SS18L1: variants seen among roughly 807,000 people sequenced by gnomAD.
The protein encoded by SS18L1 is SS18L1 subunit of BAF chromatin remodeling complex.
A neutral mutation model predicts 70.3 loss-of-function variants in SS18L1; 32 were observed. The observed-to-expected ratio is 0.46, with a 90% CI of 0.34 to 0.61. The LOEUF (loss-of-function observed/expected upper bound fraction) is 0.61. Among genes scored for constraint, SS18L1 ranks in the 20% least tolerant of loss-of-function variants. The probability of loss-of-function intolerance (pLI) is 0.01; values close to 1 mark genes in which losing one functional copy is unlikely to be tolerated. For missense variants in SS18L1, 430 were observed against 542.1 expected (o/e 0.79, Z 2.05); for synonymous variants, 237 against 229.7 (o/e 1.03, Z -0.29).
chr20:62,143,802 T>C lies in SS18L1; in HGVS notation c.-19T>C. The C allele has an allele frequency of 7.5e-7, 1 of 1,333,808 alleles. No homozygotes were observed. The allele number at this position is 1,333,808 out of a possible 1,614,324, so 82.6% of individuals were successfully genotyped here. On this transcript the variant is annotated 5_prime_UTR_variant, in exon 1 of 11. It removes the in-frame stop codon of an upstream open reading frame in the 5' UTR. Transcript: ENST00000331758. The stretch of plus-strand genomic sequence containing the variant: ...AGTATCCACCTCGATGACCACGGGC[T>C]GAGCCCCGCGCCGCCACCATGTCCG...
intron 1 of SS18L1, among the ~76,000 whole-genome samples, chr20:62,151,614 G>C (rs1454004799): frequency 2.6e-5 from 4 of 152,204 alleles, no homozygotes; most frequent in Non-Finnish European, 5.9e-5. Context: ...CTCCGAACCA[G>C]CCCAGAATCA....
At position 62,160,769 on chromosome 20, in the gene SS18L1, C is replaced by T. The variant is rs555456515; in HGVS notation, c.232-667C>T. ...TTGCGAGTAAAAATGTTAAACCCAC[C>T]TCCATTGACCTGTCAAATTGCACTT... is the stretch of plus-strand genomic sequence containing the variant. On this transcript the variant is annotated intron_variant, in intron 3 of 10. Coordinates refer to ENST00000331758, the MANE Select transcript of SS18L1 (RefSeq NM_198935.3). Among the ~76,000 whole-genome samples, 9 of 152,226 alleles carry T rather than the reference C, an allele frequency of 5.9e-5. No individual in the cohort carries two copies. In the South Asian group the frequency reaches 1.5e-3, roughly 25 times the overall value.
At chr20:62,169,394 G>A (rs528139960) in intron 8 of SS18L1, among the ~76,000 whole-genome samples, 64 of 152,322 alleles carry the variant, frequency 4.2e-4, no homozygotes, top group African/African-American at 9.6e-5. Flanking sequence ...GGGTGGAAGC[G>A]GCCACCTTCC....
At chr20:62,154,636 C>T (rs999715866) in intron 1 of SS18L1, among the ~76,000 whole-genome samples, 3 of 152,198 alleles carry the variant, frequency 2.0e-5, no homozygotes, top group South Asian at 2.1e-4. Flanking sequence ...TAGGAGGCTC[C>T]GTGCTGTCGG....
Position 62,174,893 on chromosome 20 carries a change from T to C in SS18L1, c.1164+249T>C. 1 of 985,470 alleles carries C rather than the reference T, an allele frequency of 1.0e-6. No homozygotes were observed. Among genetic ancestry groups the C allele is most frequent in the Non-Finnish European group, 1.2e-6 (1 of 829,942 alleles). 61.0% of individuals were successfully genotyped at this position (985,470 alleles called of 1,614,324 possible). A position where few individuals can be genotyped will look rare whatever the true frequency, so the allele number is the denominator to read the frequency against. On this transcript the variant is annotated intron_variant, in intron 10 of 10. Transcript: ENST00000331758. This position sits in a 1 kb window ranked among gnomAD's most constrained non-coding sequence, Gnocchi z 4.1. ...TAGATCTGCACGCCTGGTTCTCACA[T>C]TCATTCACTCTGCCAGTGTTTGTCA...
At chr20:62,166,925 C>CA (rs1199324129) in intron 8 of SS18L1, among the ~76,000 whole-genome samples, 195 of 143,226 alleles carry the variant, frequency 1.4e-3, no homozygotes, top group African/African-American at 5.1e-3. Context: ...AACTTTGTCT[C>CA]AAAAAAAATA....
intron 10 of SS18L1, chr20:62,175,211 G>A: frequency 1.0e-6 from 1 of 979,254 alleles, no homozygotes; most frequent in Non-Finnish European, 1.2e-6. Context: ...GGAACAGTGA[G>A]CAGGGCTTTG....
rs147321701 is a variant in SS18L1 at position 62,161,549 on chromosome 20, C to T, written c.345C>T (p.Pro115=). ...ACGCCATCAGCACGGGCCTGCCACC[C>T]TCCTCCCTCCTGCAGGGCCAGATTG... ...LSDAISTGLP[P]SSLLQGQIGN... is the part of the protein sequence containing the mutation. Residue 115 remains proline (P), a synonymous_variant, in exon 4 of 11, where the codon CCC becomes CCT. Transcript: ENST00000331758. The surrounding 1 kb of genome is among the most constrained non-coding windows in gnomAD (Gnocchi z 4.4). 8 of 1,611,386 alleles carry T rather than the reference C, an allele frequency of 5.0e-6. No individual in the cohort carries two copies. The African/African-American group carries it at 6.7e-5, about 13-fold the overall frequency.
chr20:62,164,166 G>A lies in SS18L1; in HGVS notation c.743G>A (p.Gly248Asp). 6.5e-7 allele frequency: 1 copy of A among 1,550,164 alleles called. No individual in the cohort carries two copies. Among genetic ancestry groups the A allele is most frequent in the Non-Finnish European group, 8.7e-7 (1 of 1,146,660 alleles). Reference sequence around the variant, plus strand: ...GCAGGCTCTTCCCAGCAGTACCTGGGCCAGGAGGAGTACTATGGCGAGCAG... The same window carrying A: ...GCAGGCTCTTCCCAGCAGTACCTGGACCAGGAGGAGTACTATGGCGAGCAG... ...SQQGSSQQYLGQEEYYGEQYS... is the reference protein window; with the variant it reads ...SQQGSSQQYLDQEEYYGEQYS... The change falls in exon 7 of 11, where the codon GGC (glycine) becomes GAC (aspartate). Residue 248 changes from glycine (G) to aspartate (D), a missense_variant. Gly to Asp is a moderately conservative substitution (Grantham distance 94). Coordinates refer to ENST00000331758, the MANE Select transcript of SS18L1 (RefSeq NM_198935.3).
chr20:62,151,954 C>T (rs1482052541), intron 1 of SS18L1, among the ~76,000 whole-genome samples: 1 of 147,766 alleles, frequency 6.8e-6, no homozygotes, highest in Admixed American at 6.7e-5. Context: ...CAGAGCTGGC[C>T]TCCCCCGTTC....
rs1293624030 is a variant in SS18L1, at chr20:62,180,569, GA to G, written c.*1362del. On this transcript the variant is annotated 3_prime_UTR_variant, in exon 11 of 11. Coordinates refer to ENST00000331758, the MANE Select transcript of SS18L1 (RefSeq NM_198935.3). Reference sequence around the variant, plus strand: ...TTGATATATGAGGCCTAGTAATAACGATATTTCTCTTTAATTGATGTTTTGT... The same window carrying G: ...TTGATATATGAGGCCTAGTAATAACGTATTTCTCTTTAATTGATGTTTTGT... 2 of 177,666 alleles carry G rather than the reference GA, an allele frequency of 1.1e-5. No homozygotes were observed. The highest frequency in any genetic ancestry group is 4.7e-5 in the African/African-American group (2 of 42,278). 11.0% of individuals were successfully genotyped at this position (177,666 alleles called of 1,614,324 possible). A position where few individuals can be genotyped will look rare whatever the true frequency, so the allele number is the denominator to read the frequency against.
At chr20:62,175,277 G>C (rs554448013) in intron 10 of SS18L1, 1 of 985,366 alleles carries the variant, frequency 1.0e-6, no homozygotes, top group African/African-American at 1.7e-5. Context: ...TCTCGGGACA[G>C]TGAGGAGGCC....
At position 62,174,862 on chromosome 20, in the gene SS18L1, C is replaced by A; in HGVS notation, c.1164+218C>A. ...CAGCTGGCTTTTCATACCCTAAGCT[C>A]ACCGTTAGATCTGCACGCCTGGTTC... is the stretch of plus-strand genomic sequence containing the variant. On this transcript the variant is annotated intron_variant, in intron 10 of 10. Coordinates refer to ENST00000331758, the MANE Select transcript of SS18L1 (RefSeq NM_198935.3). This position sits in a 1 kb window ranked among gnomAD's most constrained non-coding sequence, Gnocchi z 4.1. The A allele has an allele frequency of 7.0e-7, 1 of 1,436,388 alleles. No homozygotes were observed. Among genetic ancestry groups the A allele is most frequent in the African/African-American group, 1.4e-5 (1 of 70,846 alleles). 89.0% of individuals were successfully genotyped at this position (1,436,388 alleles called of 1,614,324 possible).
chr20:62,150,702 G>A (rs2057114365), intron 1 of SS18L1, among the ~76,000 whole-genome samples: 1 of 134,074 alleles, frequency 7.5e-6, no homozygotes, highest in African/African-American at 2.8e-5. Flanking sequence ...CGCCCAGGCT[G>A]AGGTGCAGTA....
intron 1 of SS18L1, among the ~76,000 whole-genome samples, chr20:62,152,017 C>A (rs148717718): frequency 4.2e-5 from 6 of 142,754 alleles, no homozygotes; most frequent in African/African-American, 1.4e-4. Context: ...TCTTTTCCCG[C>A]TCCCCAGAGC....
intron 1 of SS18L1, among the ~76,000 whole-genome samples, chr20:62,150,934 G>A (rs1288390739): frequency 6.6e-6 from 1 of 152,062 alleles, no homozygotes; most frequent in Admixed American, 6.5e-5. Context: ...TGGGGAAGAG[G>A]AGCCAGGGGT....
In SS18L1 at chr20:62,179,469, C is replaced by G. The variant is rs2057675998; in HGVS notation, c.*261C>G. ...CACGGAGAGGTATCCTTTTTTTGTCCCCCGCCCCCTTCTCAATGTTTCTAG... is the reference window on the plus strand; with the variant it reads ...CACGGAGAGGTATCCTTTTTTTGTCGCCCGCCCCCTTCTCAATGTTTCTAG... On this transcript the variant is annotated 3_prime_UTR_variant, in exon 11 of 11. Transcript: ENST00000331758. 1.9e-6 allele frequency: 1 copy of G among 530,020 alleles called. No homozygotes were observed. Among genetic ancestry groups the G allele is most frequent in the Non-Finnish European group, 3.4e-6 (1 of 295,224 alleles). The allele number at this position is 530,020 out of a possible 1,614,324, so 32.8% of individuals were successfully genotyped here. A position where few individuals can be genotyped will look rare whatever the true frequency, so the allele number is the denominator to read the frequency against.
chr20:62,144,885 A>G (rs948376667), intron 1 of SS18L1, among the ~76,000 whole-genome samples: 12 of 152,244 alleles, frequency 7.9e-5, no homozygotes, highest in Admixed American at 4.6e-4. Flanking sequence ...TTGCAGGGAT[A>G]AACAGTGGTA....
At chr20:62,144,514 G>C (rs148438302) in intron 1 of SS18L1, among the ~76,000 whole-genome samples, 7 of 152,212 alleles carry the variant, frequency 4.6e-5, no homozygotes, top group Admixed American at 3.3e-4. Flanking sequence ...TACGCAGCCC[G>C]GCCCCGTAGG....
Sources: gnomAD v4.1 joint callset for allele counts (sites outside exome capture counted in the v4.1 genomes callset) on GRCh38, gnomAD v4.1.1 for gene constraint, Gnocchi (gnomAD v3.1) non-coding constraint, MANE v1.5 for transcripts, NCBI Gene and HGNC (gene_info 2026-07-23, HGNC 2026-07-21) for gene names.